Variants in HS3ST5 observed in about 807,000 individuals in gnomAD.
The protein encoded by HS3ST5 is heparan sulfate glucosamine 3-O-sulfotransferase 5.
In HS3ST5, 10 loss-of-function variants were observed where a neutral mutation model predicts 25.4. The observed-to-expected ratio is 0.39, with a 90% CI of 0.24 to 0.67. The LOEUF (loss-of-function observed/expected upper bound fraction) is 0.67, where lower values mean the gene tolerates loss of function less well. Among genes scored for constraint, HS3ST5 ranks in the 30% least tolerant of loss-of-function variants. HS3ST5 has a pLI of 0.44. For missense variants in HS3ST5, 324 were observed against 420.7 expected (o/e 0.77, Z 2.01); for synonymous variants, 170 against 162.4 (o/e 1.05, Z -0.36).
chr6:114,341,602 C>CGT (rs1009784241), intron 1 of HS3ST5, among the ~76,000 whole-genome samples: 1 of 147,792 alleles, frequency 6.8e-6, no homozygotes, highest in Non-Finnish European at 1.5e-5. Flanking sequence ...CGCGCGCGCG[C>CGT]GCGTGTGTGT....
chr6:114,308,247 C>T (rs559327700), intron 1 of HS3ST5, among the ~76,000 whole-genome samples: 2 of 152,196 alleles, frequency 1.3e-5, no homozygotes, highest in South Asian at 4.1e-4. Flanking sequence ...TATTCTTGTA[C>T]TTATTTGACC....
At chr6:114,121,633 C>T (rs1776790818) in intron 3 of HS3ST5, among the ~76,000 whole-genome samples, 1 of 151,884 alleles carries the variant, frequency 6.6e-6, no homozygotes, top group South Asian at 2.1e-4. Flanking sequence ...CACTTAATCA[C>T]ATGTTAAAAG....
At position 114,190,010 on chromosome 6, in the gene HS3ST5, A is replaced by G. The variant is rs368370935; in HGVS notation, c.-144-21548T>C. Among the ~76,000 whole-genome samples, 59 of 152,338 alleles carry G rather than the reference A, an allele frequency of 3.9e-4. No homozygotes were observed. The East Asian group carries it at 5.6e-3, about 14-fold the overall frequency. On this transcript the variant is annotated intron_variant, in intron 2 of 4. Coordinates refer to ENST00000312719, the MANE Select transcript of HS3ST5 (RefSeq NM_153612.4). ...TCCTTCCTCAAGAAATGTGATTGCC[A>G]GGATTCTCTAAGTCCAGTGAGGAAG...
chr6:114,300,934 A>T (rs919626514), intron 1 of HS3ST5, among the ~76,000 whole-genome samples: 2 of 152,322 alleles, frequency 1.3e-5, no homozygotes, highest in Admixed American at 1.3e-4. Context: ...TTTGTATAAA[A>T]TGCTCAGAAT....
chr6:114,133,083 C>T (rs1043933025), intron 3 of HS3ST5, among the ~76,000 whole-genome samples: 6 of 152,130 alleles, frequency 3.9e-5, no homozygotes, highest in African/African-American at 1.4e-4. Context: ...TTTGTCACCT[C>T]CCTCTCCATT....
At chr6:114,074,572 T>C (rs1774009328) in intron 3 of HS3ST5, among the ~76,000 whole-genome samples, 1 of 152,200 alleles carries the variant, frequency 6.6e-6, no homozygotes, top group Non-Finnish European at 1.5e-5. Flanking sequence ...TCTGCCTTTT[T>C]ACAGAGGCCT....
chr6:114,161,709 C>T (rs1778982950), intron 3 of HS3ST5, among the ~76,000 whole-genome samples: 1 of 150,398 alleles, frequency 6.6e-6, no homozygotes, highest in Non-Finnish European at 1.5e-5. Flanking sequence ...TATTAATATA[C>T]AGTCCACTGG....
At position 114,181,029 on chromosome 6, in the gene HS3ST5, A is replaced by G. The variant is rs184925706; in HGVS notation, c.-144-12567T>C. Among the ~76,000 whole-genome samples, 534 of 152,340 alleles carry G rather than the reference A, an allele frequency of 3.5e-3. 6 individuals carry two copies. Among genetic ancestry groups the G allele is most frequent in the South Asian group, 0.034 (165 of 4,830 alleles). ...TCAGTAATTTAGAGATTCAATGTGC[A>G]TATCTAGGTTAAATGTGTATTGGAT... On this transcript the variant is annotated intron_variant, in intron 2 of 4. Coordinates refer to ENST00000312719, the MANE Select transcript of HS3ST5 (RefSeq NM_153612.4).
intron 3 of HS3ST5, among the ~76,000 whole-genome samples, chr6:114,108,621 T>C (rs1298014307): frequency 1.3e-5 from 2 of 151,952 alleles, no homozygotes; most frequent in African/African-American, 2.4e-5. Flanking sequence ...AGGGAAAATA[T>C]TTAAAGGACC....
chr6:114,108,785 T>C (rs936751195), intron 3 of HS3ST5, among the ~76,000 whole-genome samples: 5 of 152,202 alleles, frequency 3.3e-5, no homozygotes, highest in African/African-American at 7.2e-5. Flanking sequence ...GTGACAGGTA[T>C]ATACATATGT....
intron 2 of HS3ST5, among the ~76,000 whole-genome samples, chr6:114,218,901 T>A (rs1354449514): frequency 6.6e-6 from 1 of 152,220 alleles, no homozygotes; most frequent in Non-Finnish European, 1.5e-5. Flanking sequence ...GTCATGTCAA[T>A]CCATACAGAA....
chr6:114,339,998 ACAACCCAGCT>A (rs1470158902), intron 1 of HS3ST5, among the ~76,000 whole-genome samples: 5 of 152,224 alleles, frequency 3.3e-5, no homozygotes, highest in Admixed American at 2.6e-4. Context: ...GTTTAAAATA[ACAACCCAGCT>A]CAACTTTGCA....
chr6:114,158,519 AG>A lies in HS3ST5; in HGVS notation c.-33+9831del, dbSNP rs1307359561. 5.9e-5 allele frequency among the ~76,000 whole-genome samples: 9 copies of A among 152,280 alleles called. No individual in the cohort carries two copies. In the East Asian group the frequency reaches 1.7e-3, roughly 29 times the overall value. ...CATTTTGTTCTCACAGTGATCTGGG[AG>A]GCAGGGACTATTATTTTTTCCACAT... On this transcript the variant is annotated intron_variant, in intron 3 of 4. Coordinates refer to ENST00000312719, the MANE Select transcript of HS3ST5 (RefSeq NM_153612.4).
rs1241250261 is a variant in HS3ST5 at position 114,055,700 on chromosome 6, C to T, written c.*1557G>A. On this transcript the variant is annotated 3_prime_UTR_variant, in exon 5 of 5. Coordinates refer to ENST00000312719, the MANE Select transcript of HS3ST5 (RefSeq NM_153612.4). ...CACTTATTACAATCAAAGGGGAATC[C>T]ATTGTAATTTTCTGATTTCCCTAGG... 1.3e-5 allele frequency: 2 copies of T among 152,116 alleles called. No homozygotes were observed. The highest frequency in any genetic ancestry group is 4.8e-5 in the African/African-American group (2 of 41,432). 9.4% of individuals were successfully genotyped at this position (152,116 alleles called of 1,614,324 possible). A position where few individuals can be genotyped will look rare whatever the true frequency, so the allele number is the denominator to read the frequency against.
intron 1 of HS3ST5, among the ~76,000 whole-genome samples, chr6:114,324,026 C>A (rs1238859115): frequency 2.0e-5 from 3 of 152,128 alleles, no homozygotes; most frequent in Admixed American, 1.3e-4. Flanking sequence ...TCTTCCTGTC[C>A]TTTCTTAGAT....
chr6:114,235,279 G>A (rs1303564879), intron 1 of HS3ST5, among the ~76,000 whole-genome samples: 1 of 151,954 alleles, frequency 6.6e-6, no homozygotes, highest in East Asian at 1.9e-4. Flanking sequence ...CAAAGATTTA[G>A]AATACGCTAT....
intron 3 of HS3ST5, among the ~76,000 whole-genome samples, chr6:114,064,505 T>C (rs1773333492): frequency 6.6e-6 from 1 of 152,226 alleles, no homozygotes; most frequent in African/African-American, 2.4e-5. Context: ...TGGAATGTAC[T>C]ATGTGAATTG....
At chr6:114,256,370 A>G (rs1772921634) in intron 1 of HS3ST5, among the ~76,000 whole-genome samples, 1 of 151,410 alleles carries the variant, frequency 6.6e-6, no homozygotes, top group African/African-American at 2.4e-5. Context: ...CCTGGAGGAC[A>G]GAGCAAGACT....
At position 114,338,594 on chromosome 6, in the gene HS3ST5, T is replaced by C. The variant is rs1292146755; in HGVS notation, c.-339+3601A>G. On this transcript the variant is annotated intron_variant, in intron 1 of 4. Coordinates refer to ENST00000312719, the MANE Select transcript of HS3ST5 (RefSeq NM_153612.4). ...TCTACATTATATGAATTTCCATATGTAATCTTTTACTCTACTTTTGATAAG... is the reference window on the plus strand; with the variant it reads ...TCTACATTATATGAATTTCCATATGCAATCTTTTACTCTACTTTTGATAAG... Among the ~76,000 whole-genome samples, 5 of 152,042 alleles carry C rather than the reference T, an allele frequency of 3.3e-5. No individual in the cohort carries two copies. The East Asian group carries it at 7.7e-4, about 23-fold the overall frequency.
Sources: gnomAD v4.1 joint callset for allele counts (sites outside exome capture counted in the v4.1 genomes callset) on GRCh38, gnomAD v4.1.1 for gene constraint, MANE v1.5 for transcripts, NCBI Gene and HGNC (gene_info 2026-07-23, HGNC 2026-07-21) for gene names.